SYN2: variants seen among roughly 807,000 people sequenced by gnomAD.
The protein encoded by SYN2 is synapsin II.
Under a neutral mutation model 50.9 loss-of-function variants are expected in SYN2, and 19 were observed. The observed-to-expected ratio is 0.37, with a 90% CI of 0.26 to 0.55. The LOEUF (loss-of-function observed/expected upper bound fraction) is 0.55. Among genes scored for constraint, SYN2 ranks in the 20% least tolerant of loss-of-function variants. SYN2 has a pLI of 0.81. For missense variants in SYN2, 587 were observed against 576.4 expected (o/e 1.02, Z -0.19); for synonymous variants, 255 against 224.9 (o/e 1.13, Z -1.20).
Position 12,191,176 on chromosome 3 carries a change from G to C in SYN2, c.*551G>C, listed in dbSNP as rs755644755. On this transcript the variant is annotated 3_prime_UTR_variant, in exon 13 of 13. Coordinates refer to ENST00000621198, the MANE Select transcript of SYN2 (RefSeq NM_133625.6). ...ACTTACAAGATCTTAGGCTGCTGTGGTGGTGAAGCACCTTGAGTCTGCTGA... is the reference window on the plus strand; with the variant it reads ...ACTTACAAGATCTTAGGCTGCTGTGCTGGTGAAGCACCTTGAGTCTGCTGA... 6.1e-6 allele frequency: 6 copies of C among 985,362 alleles called. No individual in the cohort carries two copies. In the African/African-American group the frequency reaches 1.0e-4, roughly 17 times the overall value. The allele number at this position is 985,362 out of a possible 1,614,324, so 61.0% of individuals were successfully genotyped here.
chr3:12,051,503 G>C (rs1463448689), intron 1 of SYN2, among the ~76,000 whole-genome samples: 1 of 149,320 alleles, frequency 6.7e-6, no homozygotes, highest in Non-Finnish European at 1.5e-5. Flanking sequence ...TGCTGCCCCA[G>C]TGCTGCCCCT....
At chr3:12,141,441 A>T (rs1697015618) in intron 2 of SYN2, among the ~76,000 whole-genome samples, 2 of 152,232 alleles carry the variant, frequency 1.3e-5, no homozygotes, top group Admixed American at 1.3e-4. Context: ...ATGGAAACCT[A>T]GAGAGTACAA....
chr3:12,048,003 G>A (rs766559967), intron 1 of SYN2, among the ~76,000 whole-genome samples: 1 of 152,184 alleles, frequency 6.6e-6, no homozygotes, highest in Non-Finnish European at 1.5e-5. Flanking sequence ...TACGTACGTT[G>A]TGTATTCCAA....
chr3:12,011,547 T>C (rs1162412908), intron 1 of SYN2, among the ~76,000 whole-genome samples: 1 of 152,224 alleles, frequency 6.6e-6, no homozygotes, highest in African/African-American at 2.4e-5. Context: ...ACAGCAGGCA[T>C]TTCAGAAATT....
At chr3:12,072,700 C>T (rs974001078) in intron 1 of SYN2, among the ~76,000 whole-genome samples, 1 of 152,106 alleles carries the variant, frequency 6.6e-6, no homozygotes, top group Non-Finnish European at 1.5e-5. Context: ...CTTTGTTTTT[C>T]TCCAATTGCT....
chr3:12,025,371 G>A (rs557417584), intron 1 of SYN2, among the ~76,000 whole-genome samples: 3 of 152,320 alleles, frequency 2.0e-5, no homozygotes, highest in African/African-American at 7.2e-5. Flanking sequence ...ACTAGAGAAG[G>A]CTGTACCTAA....
intron 10 of SYN2, 147 bp downstream of exon 10, chr3:12,170,053 C>T (rs1697905339): frequency 2.8e-6 from 3 of 1,086,078 alleles, no homozygotes; most frequent in Non-Finnish European, 3.8e-6. Flanking sequence ...TCCTTCCCTT[C>T]CCTTTACCCT....
intron 1 of SYN2, among the ~76,000 whole-genome samples, chr3:12,068,918 C>T (rs1695280355): frequency 6.6e-6 from 1 of 152,188 alleles, no homozygotes; most frequent in Non-Finnish European, 1.5e-5. Context: ...AGTCACACCC[C>T]TATTTCTCCA....
At chr3:12,030,925 T>C (rs1694367288) in intron 1 of SYN2, among the ~76,000 whole-genome samples, 1 of 131,618 alleles carries the variant, frequency 7.6e-6, no homozygotes, top group Non-Finnish European at 1.6e-5. Context: ...TGCTAGCTTT[T>C]GAATGTGTTT....
chr3:12,144,269 C>T (rs2125218708), intron 3 of SYN2, among the ~76,000 whole-genome samples: 1 of 152,344 alleles, frequency 6.6e-6, no homozygotes, highest in East Asian at 1.9e-4. Context: ...GTAGCCATTG[C>T]TCAACCTCAG....
intron 1 of SYN2, among the ~76,000 whole-genome samples, chr3:12,099,232 A>G (rs1696014426): frequency 6.6e-6 from 1 of 152,212 alleles, no homozygotes; most frequent in Non-Finnish European, 1.5e-5. Context: ...AAATATCTAT[A>G]GAACACCCAA....
chr3:12,004,685 C>T lies in SYN2; in HGVS notation c.134C>T (p.Ala45Val). The change falls in exon 1 of 13, where the codon GCC becomes GTC. Residue 45 changes from alanine (A) to valine (V), a missense_variant. Coordinates refer to ENST00000621198, the MANE Select transcript of SYN2 (RefSeq NM_133625.6). ...CCGCCGCCCCCCGGTCCGGGCGCCG[C>T]CTCGGCCTCGGCGGCGCCCCCGACC... is the stretch of plus-strand genomic sequence containing the variant. ...PPPPPPGPGA[A>V]SASAAPPTAS... The T allele has an allele frequency of 5.1e-6, 1 of 197,860 alleles. No individual in the cohort carries two copies. The highest frequency in any genetic ancestry group is 1.7e-4 in the South Asian group (1 of 6,016). 12.3% of individuals were successfully genotyped at this position (197,860 alleles called of 1,614,324 possible).
intron 1 of SYN2, among the ~76,000 whole-genome samples, chr3:12,052,045 G>A (rs1358808858): frequency 6.6e-6 from 1 of 152,022 alleles, no homozygotes; most frequent in Non-Finnish European, 1.5e-5. Context: ...AAATGTTTTG[G>A]TTTTAGAGCA....
intron 1 of SYN2, among the ~76,000 whole-genome samples, chr3:12,079,149 T>C (rs572949130): frequency 6.6e-6 from 1 of 152,318 alleles, no homozygotes; most frequent in South Asian, 2.1e-4. Context: ...TGCACATTGA[T>C]TTTGTATCCT....
At chr3:12,073,310 A>C (rs917330456) in intron 1 of SYN2, among the ~76,000 whole-genome samples, 1 of 152,204 alleles carries the variant, frequency 6.6e-6, no homozygotes, top group Non-Finnish European at 1.5e-5. Context: ...CCAGCGAGGT[A>C]TAATAGTGGA....
rs888647599 is a variant in SYN2 at position 12,191,120 on chromosome 3, C to T, written c.*495C>T. 2 of 986,512 alleles carry T rather than the reference C, an allele frequency of 2.0e-6. No homozygotes were observed. The highest frequency in any genetic ancestry group is 2.4e-6 in the Non-Finnish European group (2 of 830,722). The allele number at this position is 986,512 out of a possible 1,614,324, so 61.1% of individuals were successfully genotyped here. A position where few individuals can be genotyped will look rare whatever the true frequency, so the allele number is the denominator to read the frequency against. ...TCCCCGACCTGGATCCCTTGTCATACCTGTGTTACTGTTTAAAGCACACCC... is the reference window on the plus strand; with the variant it reads ...TCCCCGACCTGGATCCCTTGTCATATCTGTGTTACTGTTTAAAGCACACCC... On this transcript the variant is annotated 3_prime_UTR_variant, in exon 13 of 13. Transcript: ENST00000621198.
chr3:12,073,264 C>T (rs1286761453), intron 1 of SYN2, among the ~76,000 whole-genome samples: 4 of 152,144 alleles, frequency 2.6e-5, no homozygotes, highest in Non-Finnish European at 5.9e-5. Flanking sequence ...TTCTGGTTTC[C>T]TGTATGGATT....
At chr3:12,131,257 G>A (rs751296321) in intron 1 of SYN2, among the ~76,000 whole-genome samples, 1 of 152,218 alleles carries the variant, frequency 6.6e-6, no homozygotes, top group African/African-American at 2.4e-5. Context: ...GTTGCAAACA[G>A]AAGGGTGAGA....
intron 10 of SYN2, among the ~76,000 whole-genome samples, chr3:12,182,572 C>G (rs1409104321): frequency 6.6e-6 from 1 of 152,166 alleles, no homozygotes; most frequent in Non-Finnish European, 1.5e-5. Context: ...GAGGGAAAAG[C>G]AGCCTGGCCT....
Sources: gnomAD v4.1 joint callset for allele counts (sites outside exome capture counted in the v4.1 genomes callset) on GRCh38, gnomAD v4.1.1 for gene constraint, MANE v1.5 for transcripts, NCBI Gene and HGNC (gene_info 2026-07-23, HGNC 2026-07-21) for gene names.